The following ANKFN1 variants were observed in gnomAD, a reference collection of about 807,000 sequenced individuals.
ANKFN1 encodes the protein ankyrin repeat and fibronectin type III domain containing 1.
ANKFN1 carries 74 observed loss-of-function variants against 108.7 expected under a neutral mutation model. The ratio of observed to expected loss-of-function variants is 0.68; its 90% confidence interval spans 0.56 to 0.83. The LOEUF (loss-of-function observed/expected upper bound fraction) is 0.83, where lower values mean the gene tolerates loss of function less well. ANKFN1 is among the 40% of genes least tolerant of loss of function. ANKFN1 has a pLI of 0.00. For synonymous variants in ANKFN1, 547 were observed against 516.2 expected (o/e 1.06, Z -0.81); for missense variants, 1,505 against 1,382.3 (o/e 1.09, Z -1.41).
intron 4 of ANKFN1, among the ~76,000 whole-genome samples, chr17:56,100,840 G>A (rs1422789172): frequency 6.6e-6 from 1 of 152,208 alleles, no homozygotes; most frequent in Non-Finnish European, 1.5e-5. Flanking sequence ...AACTTCACCT[G>A]TAGTTTGGAT....
Position 56,447,192 on chromosome 17 carries a change from C to T in ANKFN1, c.1100-1887C>T, listed in dbSNP as rs183053969. On this transcript the variant is annotated intron_variant, in intron 10 of 20. Coordinates refer to ENST00000682825, the MANE Select transcript of ANKFN1 (RefSeq NM_001370326.1). ...GAGCCAAGATTGTGCCACTGCACCC[C>T]AGCGTGGGTGACAGAGCAAGACTCT... 7.0e-4 allele frequency among the ~76,000 whole-genome samples: 106 copies of T among 152,200 alleles called. 1 individual carries two copies. The Middle Eastern group carries it at 0.014, about 20-fold the overall frequency.
At chr17:56,305,853 TG>T (rs2044807111) in intron 3 of ANKFN1, among the ~76,000 whole-genome samples, 1 of 152,226 alleles carries the variant, frequency 6.6e-6, no homozygotes, top group Admixed American at 6.5e-5. Flanking sequence ...GTTGTTTTTT[TG>T]GTTTGGTGTT....
At chr17:56,141,592 T>C (rs1336563198) in intron 4 of ANKFN1, among the ~76,000 whole-genome samples, 1 of 152,148 alleles carries the variant, frequency 6.6e-6, no homozygotes, top group African/African-American at 2.4e-5. Flanking sequence ...GATGTGGCCT[T>C]CTGAATCACC....
intron 4 of ANKFN1, among the ~76,000 whole-genome samples, chr17:56,344,412 CA>C (rs2144636884): frequency 6.6e-6 from 1 of 152,102 alleles, no homozygotes; most frequent in African/African-American, 2.4e-5. Flanking sequence ...TGTGTTGGGG[CA>C]CACCTTCAAT....
At chr17:56,109,710 A>G (rs8066021) in intron 4 of ANKFN1, among the ~76,000 whole-genome samples, 83,557 of 152,054 alleles carry the variant, frequency 0.55, 23,239 homozygotes, top group East Asian at 0.81. Context: ...AACTTCGAGG[A>G]GGTAGGAAGT....
chr17:56,108,361 C>T (rs1258899794), intron 4 of ANKFN1, among the ~76,000 whole-genome samples: 1 of 152,194 alleles, frequency 6.6e-6, no homozygotes, highest in Non-Finnish European at 1.5e-5. Context: ...TACATGCCTA[C>T]ACGTTGAGTC....
intron 4 of ANKFN1, among the ~76,000 whole-genome samples, chr17:56,332,328 C>A (rs573049600): frequency 6.6e-6 from 1 of 152,276 alleles, no homozygotes; most frequent in South Asian, 2.1e-4. Flanking sequence ...CCACTCTGCA[C>A]AGGCTACTCT....
chr17:56,206,704 A>G (rs1482149953), intron 1 of ANKFN1: 2 of 152,320 alleles, frequency 1.3e-5, no homozygotes, highest in East Asian at 3.9e-4. Context: ...ATTTTGTGCC[A>G]AGCGATATGA....
At chr17:56,418,561 A>G (rs1282762011) in intron 8 of ANKFN1, among the ~76,000 whole-genome samples, 1 of 152,170 alleles carries the variant, frequency 6.6e-6, no homozygotes, top group Non-Finnish European at 1.5e-5. Context: ...ACTAGAAGCC[A>G]TTTAATATAT....
At chr17:56,453,612 C>T (rs2049572231) in intron 11 of ANKFN1, among the ~76,000 whole-genome samples, 1 of 152,112 alleles carries the variant, frequency 6.6e-6, no homozygotes, top group African/African-American at 2.4e-5. Context: ...GAGGACTCTT[C>T]TTATCGCTCT....
At chr17:56,499,801 G>A (rs911465941) in intron 20 of ANKFN1, among the ~76,000 whole-genome samples, 7 of 152,122 alleles carry the variant, frequency 4.6e-5, no homozygotes, top group Non-Finnish European at 7.4e-5. Context: ...TAAGCAGAAA[G>A]AAAGCATACT....
intron 1 of ANKFN1, among the ~76,000 whole-genome samples, chr17:56,202,568 C>T (rs1258866175): frequency 6.6e-6 from 1 of 152,144 alleles, no homozygotes; most frequent in East Asian, 1.9e-4. Context: ...CCATGCTCTT[C>T]CTGTTCCATT....
intron 3 of ANKFN1, among the ~76,000 whole-genome samples, chr17:56,298,741 G>A (rs967848854): frequency 6.6e-6 from 1 of 152,122 alleles, no homozygotes; most frequent in African/African-American, 2.4e-5. Context: ...TTTAAGTTTT[G>A]CATATATTTT....
At chr17:56,467,770 AGAAAGAAAGAAAGAAAGAAAG>A (rs1278110828) in intron 15 of ANKFN1, among the ~76,000 whole-genome samples, 5 of 18,280 alleles carry the variant, frequency 2.7e-4, no homozygotes, top group Admixed American at 1.9e-3. Context: ...AAAGAAAGAA[AGAAAGAAAGAAAGAAAGAAAG>A]AAGAAAGAAA....
At chr17:56,388,871 C>A (rs1202613688) in intron 8 of ANKFN1, among the ~76,000 whole-genome samples, 1 of 152,134 alleles carries the variant, frequency 6.6e-6, no homozygotes, top group Non-Finnish European at 1.5e-5. Flanking sequence ...TCATTACATG[C>A]CTATCACAGT....
At chr17:56,205,598 T>G (rs891553581) in intron 1 of ANKFN1, among the ~76,000 whole-genome samples, 3 of 152,254 alleles carry the variant, frequency 2.0e-5, no homozygotes, top group Non-Finnish European at 4.4e-5. Context: ...TGTGTTTATA[T>G]TCCTCATTTA....
Position 56,421,052 on chromosome 17 carries a change from G to T in ANKFN1, c.911-19275G>T, listed in dbSNP as rs369343809. On this transcript the variant is annotated intron_variant, in intron 8 of 20. Transcript: ENST00000682825. Reference sequence around the variant, plus strand: ...AAAATATTTGTGTGCTGGGGGGCGGGAATAAATAATTAAAATACAAAAATG... The same window carrying T: ...AAAATATTTGTGTGCTGGGGGGCGGTAATAAATAATTAAAATACAAAAATG... Among the ~76,000 whole-genome samples the T allele has an allele frequency of 1.7e-4, 26 of 152,206 alleles. 1 individual carries two copies. Among genetic ancestry groups the T allele is most frequent in the African/African-American group, 6.3e-4 (26 of 41,540 alleles).
intron 11 of ANKFN1, among the ~76,000 whole-genome samples, chr17:56,455,048 C>T (rs1246580284): frequency 6.6e-6 from 1 of 152,050 alleles, no homozygotes; most frequent in African/African-American, 2.4e-5. Context: ...TCACACTCAC[C>T]CCTCACTTCC....
intron 4 of ANKFN1, among the ~76,000 whole-genome samples, chr17:56,058,120 T>C (rs1567779011): frequency 6.6e-6 from 1 of 152,200 alleles, no homozygotes; most frequent in Non-Finnish European, 1.5e-5. Context: ...CCCTAGGGTA[T>C]TTGGAATGGT....
Sources: allele counts gnomAD v4.1 joint callset (sites outside exome capture counted in the v4.1 genomes callset), GRCh38; gene constraint gnomAD v4.1.1; transcripts MANE v1.5; gene names NCBI Gene and HGNC (gene_info 2026-07-23, HGNC 2026-07-21).